Variants in CPS1 observed in about 807,000 individuals in gnomAD.
The protein encoded by CPS1 is carbamoyl-phosphate synthase 1, also known as carbamoyl-phosphate synthase [ammonia], mitochondrial.
CPS1 carries 109 observed loss-of-function variants against 174.6 expected under a neutral mutation model. The ratio of observed to expected loss-of-function variants is 0.62; its 90% CI spans 0.53 to 0.73. The LOEUF (loss-of-function observed/expected upper bound fraction) is 0.73, where lower values mean the gene tolerates loss of function less well. Among genes scored for constraint, CPS1 ranks in the 30% least tolerant of loss-of-function variants. The probability of loss-of-function intolerance (pLI) is 0.00; values close to 1 mark genes in which losing one functional copy is unlikely to be tolerated. For synonymous variants in CPS1, 637 were observed against 632.0 expected (o/e 1.01, Z -0.12); for missense variants, 1,689 against 1,821.9 (o/e 0.93, Z 1.33).
chr2:210,484,330 C>T (rs1054406482), intron 1 of CPS1, among the ~76,000 whole-genome samples: 23 of 152,016 alleles, frequency 1.5e-4, no homozygotes, highest in Non-Finnish European at 8.8e-5. Context: ...GGGGTCAAGG[C>T]CCAGAAAGAA....
At chr2:210,659,132 G>A (rs1241619035) in intron 31 of CPS1, among the ~76,000 whole-genome samples, 6 of 152,128 alleles carry the variant, frequency 3.9e-5, no homozygotes, top group East Asian at 3.9e-4. Context: ...TTAACTAATC[G>A]GTAACTGCCT....
chr2:210,546,361 T>C (rs1225405630), intron 1 of CPS1, among the ~76,000 whole-genome samples: 1 of 152,076 alleles, frequency 6.6e-6, no homozygotes, highest in African/African-American at 2.4e-5. Context: ...GCCTAAAGCT[T>C]TAGAAAAATG....
At chr2:210,552,737 A>T (rs1696763661), upstream of CPS1, among the ~76,000 whole-genome samples, 1 of 151,976 alleles carries the variant, frequency 6.6e-6, no homozygotes, top group Admixed American at 6.6e-5. Flanking sequence ...GTATAGACAC[A>T]GGCTGTCAGT....
intron 1 of CPS1, among the ~76,000 whole-genome samples, chr2:210,567,624 A>G (rs185466622): frequency 6.6e-6 from 1 of 152,310 alleles, no homozygotes; most frequent in Admixed American, 6.5e-5. Flanking sequence ...GTAATTATTA[A>G]TATTAATGAT....
At chr2:210,677,821 T>A in intron 37 of CPS1, 66 bp from the exon 38 acceptor site, 1 of 1,260,772 alleles carries the variant, frequency 7.9e-7, no homozygotes, top group South Asian at 1.2e-5. Flanking sequence ...GTGACTTTTG[T>A]CTTCATTCAT....
intron 6 of CPS1, among the ~76,000 whole-genome samples, chr2:210,587,294 G>A (rs949640742): frequency 9.2e-5 from 14 of 151,960 alleles, no homozygotes; most frequent in African/African-American, 2.7e-4. Flanking sequence ...AATTCATAGC[G>A]TGCTAGCTAA....
chr2:210,504,919 C>CT (rs550870001), intron 1 of CPS1, among the ~76,000 whole-genome samples: 13 of 151,342 alleles, frequency 8.6e-5, no homozygotes, highest in South Asian at 4.2e-4. Context: ...GGACGACCTA[C>CT]TTTTTTTTTC....
intron 1 of CPS1, among the ~76,000 whole-genome samples, chr2:210,522,677 G>T (rs1192312003): frequency 6.6e-6 from 1 of 151,962 alleles, no homozygotes; most frequent in African/African-American, 2.4e-5. Flanking sequence ...AGAGATAATA[G>T]TGGACAGTTG....
At chr2:210,575,896 A>T (rs1453066553) in intron 2 of CPS1, among the ~76,000 whole-genome samples, 4 of 152,100 alleles carry the variant, frequency 2.6e-5, no homozygotes, top group African/African-American at 7.2e-5. Flanking sequence ...AAAAATATCA[A>T]GAAAAACTTT....
chr2:210,635,802 A>G (rs1292382709), intron 21 of CPS1, among the ~76,000 whole-genome samples: 1 of 152,252 alleles, frequency 6.6e-6, no homozygotes, highest in Non-Finnish European at 1.5e-5. Flanking sequence ...ATTAAATTCA[A>G]TGGGAGATTT....
Position 210,599,401 on chromosome 2 carries a change from CCCAAACAT to C in CPS1, c.1390_1397del (p.Pro464CysfsTer7). ...AAAATGTCAAAACTGTTCTGATGAACCCAAACATTGCATCAGTCCAGACCAATGAGGTG... is the reference window on the plus strand; with the variant it reads ...AAAATGTCAAAACTGTTCTGATGAACTGCATCAGTCCAGACCAATGAGGTG... On this transcript the variant is annotated frameshift_variant, in exon 14 of 38. Coordinates refer to ENST00000233072, the MANE Select transcript of CPS1 (RefSeq NM_001875.5). LOFTEE classifies it high-confidence loss of function. 2 of 1,612,342 alleles carry C rather than the reference CCCAAACAT, an allele frequency of 1.2e-6. No individual in the cohort carries two copies. The highest frequency in any genetic ancestry group is 1.7e-4 in the Middle Eastern group (1 of 6,040).
At chr2:210,566,687 A>G (rs1180373111) in intron 1 of CPS1, among the ~76,000 whole-genome samples, 2 of 152,232 alleles carry the variant, frequency 1.3e-5, no homozygotes, top group African/African-American at 2.4e-5. Context: ...AGTTGCTAAT[A>G]GAATGATCTT....
At chr2:210,561,385 T>A (rs1240420329) in intron 1 of CPS1, among the ~76,000 whole-genome samples, 1 of 152,208 alleles carries the variant, frequency 6.6e-6, no homozygotes, top group Non-Finnish European at 1.5e-5. Flanking sequence ...TCTTGACCTG[T>A]GCTTTCCTCT....
At position 210,600,224 on chromosome 2, in the gene CPS1, A is replaced by G. The variant is rs535581462; in HGVS notation, c.1550-331A>G. On this transcript the variant is annotated intron_variant, in intron 14 of 37. Transcript: ENST00000233072. ...GGTACTCATATATTTGGGATTTTTTAAATTATAGAATCTCATTATAGAAAT... is the reference window on the plus strand; with the variant it reads ...GGTACTCATATATTTGGGATTTTTTGAATTATAGAATCTCATTATAGAAAT... Among the ~76,000 whole-genome samples the G allele has an allele frequency of 6.6e-5, 10 of 152,010 alleles. No homozygotes were observed. The South Asian group carries it at 1.0e-3, about 16-fold the overall frequency.
chr2:210,510,410 A>G (rs1203070851), intron 1 of CPS1, among the ~76,000 whole-genome samples: 2 of 152,184 alleles, frequency 1.3e-5, no homozygotes, highest in Non-Finnish European at 2.9e-5. Context: ...TGTTAGACCT[A>G]AAACCATAAA....
chr2:210,488,381 T>A (rs1694782375), intron 1 of CPS1, among the ~76,000 whole-genome samples: 1 of 152,222 alleles, frequency 6.6e-6, no homozygotes, highest in Non-Finnish European at 1.5e-5. Flanking sequence ...TAGTTTTTAT[T>A]TGAAAAGCGA....
intron 28 of CPS1, 68 bp downstream of exon 28, chr2:210,650,506 T>G (rs1033404799): frequency 9.1e-7 from 1 of 1,104,276 alleles, no homozygotes; most frequent in African/African-American, 1.5e-5. Context: ...TATCTCTTAA[T>G]AAAATGTAGT....
intron 1 of CPS1, among the ~76,000 whole-genome samples, chr2:210,551,486 A>T (rs1696729534): frequency 6.6e-6 from 1 of 151,924 alleles, no homozygotes; most frequent in African/African-American, 2.4e-5. Flanking sequence ...GCATGACAAG[A>T]TTTACTGTTT....
chr2:210,581,378 T>C (rs901466021), intron 5 of CPS1, among the ~76,000 whole-genome samples: 22 of 152,274 alleles, frequency 1.4e-4, no homozygotes, highest in Admixed American at 1.2e-3. Context: ...ATTGGCGGAA[T>C]AGATTGGCAC....
Sources: allele counts gnomAD v4.1 joint callset (sites outside exome capture counted in the v4.1 genomes callset), GRCh38; gene constraint gnomAD v4.1.1; transcripts MANE v1.5; gene names NCBI Gene and HGNC (gene_info 2026-07-23, HGNC 2026-07-21).